The following GRIK1 variants were observed in gnomAD, a reference collection of about 807,000 sequenced individuals.
GRIK1 encodes glutamate ionotropic receptor kainate type subunit 1.
GRIK1 carries 69 observed loss-of-function variants against 105.7 expected under a neutral mutation model. That is an observed-to-expected ratio of 0.65 (90% CI 0.54 to 0.80). The LOEUF (loss-of-function observed/expected upper bound fraction) is 0.80, where lower values mean the gene tolerates loss of function less well. GRIK1 is among the 30% of genes least tolerant of loss of function. The probability of loss-of-function intolerance (pLI) is 0.00; values close to 1 mark genes in which losing one functional copy is unlikely to be tolerated. For missense variants in GRIK1, 1,109 were observed against 1,167.3 expected (o/e 0.95, Z 0.73); for synonymous variants, 438 against 431.3 (o/e 1.02, Z -0.19).
At chr21:29,612,669 T>A (rs1422840469) in intron 7 of GRIK1, among the ~76,000 whole-genome samples, 2 of 152,212 alleles carry the variant, frequency 1.3e-5, no homozygotes, top group Non-Finnish European at 2.9e-5. Flanking sequence ...CTTTGTGATT[T>A]GAAAAGCTGT....
At chr21:29,885,275 T>C (rs1179106252) in intron 1 of GRIK1, among the ~76,000 whole-genome samples, 1 of 152,060 alleles carries the variant, frequency 6.6e-6, no homozygotes, top group African/African-American at 2.4e-5. Context: ...AGTCTTCAAC[T>C]TCTTCTTCTA....
At chr21:29,877,328 C>T (rs947430936) in intron 1 of GRIK1, among the ~76,000 whole-genome samples, 7 of 151,966 alleles carry the variant, frequency 4.6e-5, no homozygotes, top group Admixed American at 3.9e-4. Flanking sequence ...TGCAGAGTGG[C>T]CTTTGGAGGA....
chr21:29,647,329 A>ACTTAACCTCT (rs2062640980), intron 6 of GRIK1, among the ~76,000 whole-genome samples: 1 of 152,220 alleles, frequency 6.6e-6, no homozygotes, highest in Non-Finnish European at 1.5e-5. Flanking sequence ...TGTTCAGGTC[A>ACTTAACCTCT]CTTAGTTAGG....
chr21:29,857,293 A>T (rs2068491995), intron 1 of GRIK1, among the ~76,000 whole-genome samples: 1 of 152,216 alleles, frequency 6.6e-6, no homozygotes, highest in East Asian at 1.9e-4. Flanking sequence ...GGATGCCCAC[A>T]ATGGACCTGT....
At chr21:29,739,599 T>C (rs1217126289) in intron 1 of GRIK1, among the ~76,000 whole-genome samples, 2 of 152,354 alleles carry the variant, frequency 1.3e-5, no homozygotes, top group Non-Finnish European at 2.9e-5. Flanking sequence ...TGCATTCATT[T>C]TATATGGTAC....
intron 1 of GRIK1, among the ~76,000 whole-genome samples, chr21:29,885,454 C>T (rs2069583882): frequency 1.3e-5 from 2 of 151,952 alleles, no homozygotes; most frequent in Admixed American, 6.6e-5. Context: ...GCAAAAAAAT[C>T]TTGTGATATA....
chr21:29,814,415 G>A (rs2145903118), intron 1 of GRIK1, among the ~76,000 whole-genome samples: 1 of 152,094 alleles, frequency 6.6e-6, no homozygotes, highest in South Asian at 2.1e-4. Flanking sequence ...TGGGTGCTTG[G>A]TGAGCATGCA....
intron 1 of GRIK1, among the ~76,000 whole-genome samples, chr21:29,765,624 A>G (rs1036339534): frequency 7.2e-5 from 11 of 152,040 alleles, no homozygotes; most frequent in Non-Finnish European, 1.5e-5. Context: ...TCTTTGGCTG[A>G]CCCTGAACCA....
intron 1 of GRIK1, among the ~76,000 whole-genome samples, chr21:29,830,334 C>T (rs866173514): frequency 1.0e-5 from 1 of 99,812 alleles, no homozygotes; most frequent in Non-Finnish European, 2.5e-5. Flanking sequence ...CACACACACA[C>T]ACACACACAC....
intron 1 of GRIK1, among the ~76,000 whole-genome samples, chr21:29,938,764 T>C (rs1167732209): frequency 6.6e-6 from 1 of 152,164 alleles, no homozygotes; most frequent in African/African-American, 2.4e-5. Flanking sequence ...TCCTTCTCAC[T>C]CTTCGAATCT....
At chr21:29,544,398 C>A (rs989566688) in intron 16 of GRIK1, among the ~76,000 whole-genome samples, 2 of 152,152 alleles carry the variant, frequency 1.3e-5, no homozygotes, top group Non-Finnish European at 2.9e-5. Context: ...GTTCATCCTC[C>A]GCTAACGTTA....
intron 1 of GRIK1, among the ~76,000 whole-genome samples, chr21:29,826,424 G>T (rs1459563035): frequency 1.3e-5 from 2 of 152,104 alleles, no homozygotes. Context: ...TGGACTTTGA[G>T]TAAAGCAGAT....
chr21:29,907,650 G>A (rs2146283655), intron 1 of GRIK1, among the ~76,000 whole-genome samples: 1 of 152,086 alleles, frequency 6.6e-6, no homozygotes, highest in East Asian at 1.9e-4. Flanking sequence ...TAATCAAAAG[G>A]CATTCTATAT....
At chr21:29,880,834 T>G (rs1187177529) in intron 1 of GRIK1, among the ~76,000 whole-genome samples, 1 of 152,132 alleles carries the variant, frequency 6.6e-6, no homozygotes, top group Admixed American at 6.6e-5. Flanking sequence ...CATGGGTTTA[T>G]GACTACAGCA....
At chr21:29,709,094 G>A (rs1357217439) in intron 1 of GRIK1, among the ~76,000 whole-genome samples, 1 of 151,904 alleles carries the variant, frequency 6.6e-6, no homozygotes, top group Non-Finnish European at 1.5e-5. Flanking sequence ...ACACATATAT[G>A]TCTATAATTT....
At chr21:29,597,254 C>T (rs778965381) in intron 8 of GRIK1, among the ~76,000 whole-genome samples, 14 of 152,154 alleles carry the variant, frequency 9.2e-5, no homozygotes, top group Non-Finnish European at 1.6e-4. Flanking sequence ...TTATTGCAAA[C>T]AATGAAGAGA....
At chr21:29,568,285 G>GTTTT (rs2090658073) in intron 14 of GRIK1, among the ~76,000 whole-genome samples, 1 of 152,210 alleles carries the variant, frequency 6.6e-6, no homozygotes, top group South Asian at 2.1e-4. Context: ...GCCTTCCTAT[G>GTTTT]CAGAGTATTT....
chr21:29,741,944 TC>T (rs1335067121), intron 1 of GRIK1, among the ~76,000 whole-genome samples: 2 of 152,196 alleles, frequency 1.3e-5, no homozygotes, highest in African/African-American at 4.8e-5. Context: ...GGAAACAGAG[TC>T]CTTTTGAAAG....
intron 16 of GRIK1, among the ~76,000 whole-genome samples, chr21:29,543,624 G>T (rs919597904): frequency 5.3e-5 from 8 of 152,142 alleles, no homozygotes; most frequent in Non-Finnish European, 8.8e-5. Context: ...AATCCTAGAG[G>T]TTGAGTGTTG....
Sources: gnomAD v4.1 joint callset for allele counts (sites outside exome capture counted in the v4.1 genomes callset) on GRCh38, gnomAD v4.1.1 for gene constraint, MANE v1.5 for transcripts, NCBI Gene and HGNC (gene_info 2026-07-23, HGNC 2026-07-21) for gene names.